The following GOLGA5 variants were observed in gnomAD, a reference collection of about 807,000 sequenced individuals.
GOLGA5 encodes the protein golgin subfamily A member 5.
GOLGA5 carries 50 observed loss-of-function variants against 93.5 expected under a neutral mutation model. That is an observed-to-expected ratio of 0.53 (90% CI 0.43 to 0.68). The LOEUF is 0.68. Ranked by LOEUF, GOLGA5 falls within the 30% of genes least tolerant of loss-of-function variation. The probability of loss-of-function intolerance (pLI) is 0.00; values close to 1 mark genes in which losing one functional copy is unlikely to be tolerated. For synonymous variants in GOLGA5, 312 were observed against 304.5 expected, an observed-to-expected ratio of 1.02 and a Z score of -0.26; for missense variants, 760 against 856.4, an observed-to-expected ratio of 0.89 and a Z score of 1.40.
chr14:92,806,978 T>A lies in GOLGA5; in HGVS notation c.772+15T>A. 1.4e-6 allele frequency: 2 copies of A among 1,471,838 alleles called. No individual in the cohort carries two copies. The highest frequency in any genetic ancestry group is 1.7e-4 in the Middle Eastern group (1 of 5,770). 91.2% of individuals were successfully genotyped at this position (1,471,838 alleles called of 1,614,324 possible). On this transcript the variant is annotated intron_variant, in intron 3 of 12. Coordinates refer to ENST00000163416, the MANE Select transcript of GOLGA5 (RefSeq NM_005113.4). ...GACTCAAGAAGGTAGAGGCTTAAAT[T>A]GTTCAGGATTAGGAATTTAACTTTT...
rs765123740 is a variant in GOLGA5 at position 92,816,310 on chromosome 14, C to G, written c.1380C>G (p.Ser460Arg). Reference sequence around the variant, plus strand: ...GCTCTGGTTTTGAAGGCCTAGATAGCAGCACTGCCAGTAGCATGGAGCTGG... The same window carrying G: ...GCTCTGGTTTTGAAGGCCTAGATAGGAGCACTGCCAGTAGCATGGAGCTGG... ...KEGSGFEGLDSSTASSMELEE... is the reference protein window; with the variant it reads ...KEGSGFEGLDRSTASSMELEE... The change falls in exon 7 of 13, where the codon AGC (serine) becomes AGG (arginine). Residue 460 changes from serine (S) to arginine (R), a missense_variant. Transcript: ENST00000163416. 9 of 1,613,594 alleles carry G rather than the reference C, an allele frequency of 5.6e-6. No homozygotes were observed. The East Asian group carries it at 2.0e-4, about 36-fold the overall frequency.
In GOLGA5 at chr14:92,810,221, A is replaced by C. The variant is rs768740148; in HGVS notation, c.993-33A>C. 2.0e-5 allele frequency: 31 copies of C among 1,547,668 alleles called. No homozygotes were observed. The South Asian group carries it at 2.9e-4, about 14-fold the overall frequency. On this transcript the variant is annotated intron_variant, in intron 4 of 12. Coordinates refer to ENST00000163416, the MANE Select transcript of GOLGA5 (RefSeq NM_005113.4). Reference sequence around the variant, plus strand: ...GCCTTATCACTTGTACACTGTAGACATGAGTTATTTCACATGATGCATTTT... The same window carrying C: ...GCCTTATCACTTGTACACTGTAGACCTGAGTTATTTCACATGATGCATTTT...
intron 9 of GOLGA5, among the ~76,000 whole-genome samples, chr14:92,831,673 T>C (rs986142112): frequency 6.6e-6 from 1 of 152,190 alleles, no homozygotes; most frequent in African/African-American, 2.4e-5. Context: ...AGTATGTTGA[T>C]TAGGGGATCA....
At chr14:92,828,060 G>GC (rs1379129473) in intron 9 of GOLGA5, among the ~76,000 whole-genome samples, 11 of 152,262 alleles carry the variant, frequency 7.2e-5, no homozygotes, top group African/African-American at 2.7e-4. Context: ...AGAAACTGCT[G>GC]CAAGTTATCT....
intron 9 of GOLGA5, among the ~76,000 whole-genome samples, chr14:92,831,201 C>T (rs980056808): frequency 6.6e-6 from 1 of 152,166 alleles, no homozygotes; most frequent in African/African-American, 2.4e-5. Flanking sequence ...CTTTGGAAAA[C>T]TGGCTGTTTC....
At chr14:92,798,179 C>G (rs1884780223) in intron 2 of GOLGA5, among the ~76,000 whole-genome samples, 198 bp downstream of exon 2, 3 of 152,168 alleles carry the variant, frequency 2.0e-5, no homozygotes, top group African/African-American at 7.2e-5. Context: ...GCAGGGACTT[C>G]ATGTTGTCTG....
At chr14:92,803,499 A>G (rs1453131464) in intron 2 of GOLGA5, among the ~76,000 whole-genome samples, 1 of 152,174 alleles carries the variant, frequency 6.6e-6, no homozygotes, top group East Asian at 1.9e-4. Context: ...CGTTTGCTAG[A>G]ACTCTGTGCT....
rs150067618 is a variant in GOLGA5 at position 92,810,331 on chromosome 14, C to T, written c.1070C>T (p.Ala357Val). Reference sequence around the variant, plus strand: ...ACTTTTCAGGAGAGACTGCATGAAGCGGATGCCACTCTGAAGAGAGAGCAG... The same window carrying T: ...ACTTTTCAGGAGAGACTGCATGAAGTGGATGCCACTCTGAAGAGAGAGCAG... Reference protein sequence around the residue: ...LQTFQERLHEADATLKREQES... With the variant: ...LQTFQERLHEVDATLKREQES... The change falls in exon 5 of 13, where the codon GCG becomes GTG. Residue 357 changes from alanine to valine, a missense_variant. Transcript: ENST00000163416. The T allele has an allele frequency of 5.2e-5, 83 of 1,607,560 alleles. No individual in the cohort carries two copies. The African/African-American group carries it at 1.0e-3, about 20-fold the overall frequency.
In GOLGA5 at chr14:92,833,231, C is replaced by T. The variant is rs1885566612; in HGVS notation, c.1829C>T (p.Thr610Ile). 1 of 1,613,286 alleles carries T rather than the reference C, an allele frequency of 6.2e-7. No individual in the cohort carries two copies. Among genetic ancestry groups the T allele is most frequent in the South Asian group, 1.1e-5 (1 of 91,062 alleles). The change falls in exon 10 of 13, where the codon ACA becomes ATA. Residue 610 changes from threonine to isoleucine, a missense_variant. Physicochemically the swap from Thr to Ile is moderately conservative, Grantham distance 89 (BLOSUM62 -1). Transcript: ENST00000163416. Reference sequence around the variant, plus strand: ...CAGACCATGCTGGAGAGTCTCAGCACAGAAAAGAACTCCCTGGTCTTTCAA... The same window carrying T: ...CAGACCATGCTGGAGAGTCTCAGCATAGAAAAGAACTCCCTGGTCTTTCAA... ...QKQTMLESLSTEKNSLVFQLE... is the reference protein window; with the variant it reads ...QKQTMLESLSIEKNSLVFQLE...
At position 92,819,796 on chromosome 14, in the gene GOLGA5, C is replaced by T. The variant is rs1399251474; in HGVS notation, c.1580C>T (p.Ser527Phe). Reference sequence around the variant, plus strand: ...GACCAAATAGCTGGGCAGAAAGCATCCAAACAAGAACTAGAGACAGAACTG... The same window carrying T: ...GACCAAATAGCTGGGCAGAAAGCATTCAAACAAGAACTAGAGACAGAACTG... ...LHDQIAGQKA[S>F]KQELETELER... Residue 527 changes from serine to phenylalanine, a missense_variant, in exon 8 of 13, where the codon TCC becomes TTC. By Grantham distance (155) the Ser-to-Phe change is radical. Transcript: ENST00000163416. 1 of 1,613,838 alleles carries T rather than the reference C, an allele frequency of 6.2e-7. No individual in the cohort carries two copies. Among genetic ancestry groups the T allele is most frequent in the Non-Finnish European group, 8.5e-7 (1 of 1,179,886 alleles).
chr14:92,825,946 G>T (rs1379959807), intron 9 of GOLGA5, among the ~76,000 whole-genome samples: 1 of 151,728 alleles, frequency 6.6e-6, no homozygotes, highest in Non-Finnish European at 1.5e-5. Context: ...CTTGAGGTCA[G>T]GAGTTCAAGA....
intron 8 of GOLGA5, among the ~76,000 whole-genome samples, chr14:92,822,269 A>G (rs968884547): frequency 6.6e-6 from 1 of 152,180 alleles, no homozygotes; most frequent in Non-Finnish European, 1.5e-5. Context: ...AATGTTTAAC[A>G]GAGTCTCTAG....
intron 3 of GOLGA5, among the ~76,000 whole-genome samples, chr14:92,808,701 GAA>G (rs33921665): frequency 7.4e-6 from 1 of 135,184 alleles, no homozygotes; most frequent in African/African-American, 2.8e-5. Context: ...TGTCTCACTG[GAA>G]AAAAAAAAAA....
At position 92,819,736 on chromosome 14, in the gene GOLGA5, C is replaced by T. The variant is rs934539466; in HGVS notation, c.1520C>T (p.Ala507Val). Reference sequence around the variant, plus strand: ...ATGGAGGCACAGCAAGTTAATGAAGCAGAATCAGCAAGAGAACAGTTACAG... The same window carrying T: ...ATGGAGGCACAGCAAGTTAATGAAGTAGAATCAGCAAGAGAACAGTTACAG... ...QDMEAQQVNE[A>V]ESAREQLQDL... Residue 507 changes from alanine to valine, a missense_variant, in exon 8 of 13, where the codon GCA (alanine) becomes GTA (valine). Transcript: ENST00000163416. The T allele has an allele frequency of 6.2e-7, 1 of 1,613,630 alleles. No homozygotes were observed. Among genetic ancestry groups the T allele is most frequent in the Non-Finnish European group, 8.5e-7 (1 of 1,179,548 alleles).
At chr14:92,800,033 A>G (rs1248796578) in intron 2 of GOLGA5, among the ~76,000 whole-genome samples, 1 of 152,248 alleles carries the variant, frequency 6.6e-6, no homozygotes, top group African/African-American at 2.4e-5. Flanking sequence ...AAACTTGTAT[A>G]GAAGAAGACG....
intron 1 of GOLGA5, among the ~76,000 whole-genome samples, chr14:92,796,319 G>A (rs1206500617): frequency 6.6e-6 from 1 of 152,216 alleles, no homozygotes; most frequent in African/African-American, 2.4e-5. Context: ...CTGTAGCAAA[G>A]TACCACAGAT....
At chr14:92,825,866 A>AAAC (rs758074691) in intron 9 of GOLGA5, among the ~76,000 whole-genome samples, 2 of 148,236 alleles carry the variant, frequency 1.3e-5, no homozygotes, top group South Asian at 4.3e-4. Context: ...AAAAAAAAAA[A>AAAC]GAAAAAACAA....
intron 3 of GOLGA5, among the ~76,000 whole-genome samples, chr14:92,808,778 A>G (rs1207086621): frequency 6.7e-6 from 1 of 150,364 alleles, no homozygotes; most frequent in Non-Finnish European, 1.5e-5. Flanking sequence ...AACTGCAATT[A>G]CATATGGTAT....
At chr14:92,800,476 A>T (rs1404368245) in intron 2 of GOLGA5, among the ~76,000 whole-genome samples, 1 of 152,236 alleles carries the variant, frequency 6.6e-6, no homozygotes, top group Non-Finnish European at 1.5e-5. Context: ...TGATGAAGAA[A>T]ATGTAGCTAG....
Sources: gnomAD v4.1 joint callset for allele counts (sites outside exome capture counted in the v4.1 genomes callset) on GRCh38, gnomAD v4.1.1 for gene constraint, MANE v1.5 for transcripts, NCBI Gene and HGNC (gene_info 2026-07-23, HGNC 2026-07-21) for gene names.